PTPRC: variants seen among roughly 807,000 people sequenced by gnomAD.
PTPRC encodes the protein receptor-type tyrosine-protein phosphatase C.
In PTPRC, 44 loss-of-function variants were observed where a neutral mutation model predicts 155.9. The ratio of observed to expected loss-of-function variants is 0.28; its 90% CI spans 0.22 to 0.36. PTPRC has a LOEUF of 0.36. Among genes scored for constraint, PTPRC ranks in the 10% least tolerant of loss-of-function variants. PTPRC has a pLI of 1.00. For missense variants in PTPRC, 1,401 were observed against 1,564.6 expected (o/e 0.90, Z 1.76); for synonymous variants, 525 against 533.1 (o/e 0.98, Z 0.21).
intron 2 of PTPRC, among the ~76,000 whole-genome samples, chr1:198,668,677 G>A (rs1487456174): frequency 6.6e-6 from 1 of 152,186 alleles, no homozygotes; most frequent in Non-Finnish European, 1.5e-5. Flanking sequence ...AAAGATACAT[G>A]ACCAAGCTTG....
intron 2 of PTPRC, among the ~76,000 whole-genome samples, chr1:198,670,722 G>T (rs1403293707): frequency 6.6e-6 from 1 of 152,064 alleles, no homozygotes; most frequent in East Asian, 1.9e-4. Context: ...CTTCTTAAAA[G>T]ATTTTTTCAT....
At chr1:198,644,074 A>G (rs557649072) in intron 2 of PTPRC, among the ~76,000 whole-genome samples, 1 of 152,024 alleles carries the variant, frequency 6.6e-6, no homozygotes, top group African/African-American at 2.4e-5. Context: ...CCATGTGTGT[A>G]TATGTCACCT....
chr1:198,723,699 A>G (rs1653998859), intron 15 of PTPRC, among the ~76,000 whole-genome samples: 1 of 152,230 alleles, frequency 6.6e-6, no homozygotes, highest in Admixed American at 6.5e-5. Context: ...CTGGAAAGAC[A>G]CAGAACAAAA....
At chr1:198,690,563 A>AAT (rs1050630777) in intron 2 of PTPRC, among the ~76,000 whole-genome samples, 1 of 152,060 alleles carries the variant, frequency 6.6e-6, no homozygotes, top group Non-Finnish European at 1.5e-5. Flanking sequence ...ATGATATAAA[A>AAT]ATATATATAT....
rs964816952 is a variant in PTPRC at position 198,716,053 on chromosome 1, A to G, written c.1292-629A>G. ...GATCAGGTTTGTCACTAAACTCAAA[A>G]ACATTCCTTCTTCCGTTTGTAATAT... On this transcript the variant is annotated intron_variant, in intron 12 of 32. Transcript: ENST00000442510. Among the ~76,000 whole-genome samples the G allele has an allele frequency of 1.9e-4, 29 of 152,236 alleles. 1 individual carries two copies. The Middle Eastern group carries it at 0.02, about 107-fold the overall frequency.
chr1:198,738,733 C>CTTCT (rs1654764393), intron 23 of PTPRC, among the ~76,000 whole-genome samples: 1 of 151,530 alleles, frequency 6.6e-6, no homozygotes, highest in Non-Finnish European at 1.5e-5. Flanking sequence ...GGTACTAGTT[C>CTTCT]TTCTTTAAAT....
intron 2 of PTPRC, among the ~76,000 whole-genome samples, chr1:198,670,019 A>T (rs1344062211): frequency 6.6e-6 from 1 of 152,196 alleles, no homozygotes; most frequent in Non-Finnish European, 1.5e-5. Context: ...TGTAAGAATA[A>T]TTACTATTTT....
intron 2 of PTPRC, among the ~76,000 whole-genome samples, chr1:198,683,038 G>T (rs964497901): frequency 6.6e-6 from 1 of 152,226 alleles, no homozygotes; most frequent in Non-Finnish European, 1.5e-5. Flanking sequence ...AAGCATGGGG[G>T]TTTTTACAGT....
At chr1:198,710,707 T>C (rs1202199087) in intron 11 of PTPRC, among the ~76,000 whole-genome samples, 1 of 152,252 alleles carries the variant, frequency 6.6e-6, no homozygotes, top group Non-Finnish European at 1.5e-5. Flanking sequence ...TGTTGTTTTC[T>C]TAATCACATT....
chr1:198,693,126 CAACT>C (rs1666017735), intron 3 of PTPRC: 1 of 950,790 alleles, frequency 1.1e-6, no homozygotes, highest in Non-Finnish European at 1.3e-6. Flanking sequence ...TGCACAATTC[CAACT>C]AACGTACATT....
intron 2 of PTPRC, among the ~76,000 whole-genome samples, chr1:198,678,546 G>A (rs1665094127): frequency 6.6e-6 from 1 of 152,088 alleles, no homozygotes. Context: ...TCTCCCTAAT[G>A]CTTTTTCCAG....
intron 2 of PTPRC, among the ~76,000 whole-genome samples, chr1:198,652,867 G>C (rs960610803): frequency 6.6e-6 from 1 of 151,766 alleles, no homozygotes; most frequent in Admixed American, 6.6e-5. Context: ...TTATGTCAAG[G>C]GCGGCTCGAT....
chr1:198,665,332 A>G (rs1486751130), intron 2 of PTPRC, among the ~76,000 whole-genome samples: 1 of 151,572 alleles, frequency 6.6e-6, no homozygotes, highest in Admixed American at 6.6e-5. Flanking sequence ...GCAATTTAAT[A>G]CATGAGTTAA....
intron 2 of PTPRC, among the ~76,000 whole-genome samples, chr1:198,650,999 A>G (rs1413638778): frequency 6.6e-6 from 1 of 151,910 alleles, no homozygotes; most frequent in Non-Finnish European, 1.5e-5. Context: ...TATCTCTATT[A>G]ACTTTAATAT....
At position 198,752,668 on chromosome 1, in the gene PTPRC, G is replaced by A. The variant is rs757359448; in HGVS notation, c.3405G>A (p.Lys1135=). The change falls in exon 31 of 33, where the codon AAG becomes AAA. Residue 1135 remains lysine (K), a synonymous_variant. Transcript: ENST00000442510. ...WSVEQLPAEP[K]ELISMIQVVK... ...TGGAGCAGCTTCCTGCAGAACCCAA[G>A]GAATTAATCTCTATGATTCAGGTCG... The A allele has an allele frequency of 3.7e-6, 6 of 1,612,718 alleles. No homozygotes were observed. The South Asian group carries it at 6.6e-5, about 18-fold the overall frequency.
intron 2 of PTPRC, among the ~76,000 whole-genome samples, chr1:198,668,102 A>T (rs1159815011): frequency 6.6e-6 from 1 of 152,228 alleles, no homozygotes; most frequent in Non-Finnish European, 1.5e-5. Context: ...ATCTTATAGA[A>T]ATAAACATTG....
intron 23 of PTPRC, among the ~76,000 whole-genome samples, chr1:198,735,789 A>G (rs1654608754): frequency 6.6e-6 from 1 of 151,570 alleles, no homozygotes; most frequent in Admixed American, 6.6e-5. Flanking sequence ...TGAAAAATCC[A>G]CAATAGGCAA....
At chr1:198,679,863 C>T in intron 2 of PTPRC, 1 of 608,888 alleles carries the variant, frequency 1.6e-6, no homozygotes, top group East Asian at 2.9e-5. Context: ...TGTAGAGTTT[C>T]CTTGACTCAA....
rs1320437025 is a variant in PTPRC, at chr1:198,756,382, TA to T, written c.*205del. 5 of 683,684 alleles carry T rather than the reference TA, an allele frequency of 7.3e-6. No homozygotes were observed. The highest frequency in any genetic ancestry group is 1.2e-5 in the Non-Finnish European group (5 of 420,422). 42.4% of individuals were successfully genotyped at this position (683,684 alleles called of 1,614,324 possible). ...AGTTTGTACAGACGTATGCTTATTT[TA>T]AAATTTTATCTCTTATTCAGTAAAA... On this transcript the variant is annotated 3_prime_UTR_variant, in exon 33 of 33. Coordinates refer to ENST00000442510, the MANE Select transcript of PTPRC (RefSeq NM_002838.5).
Sources: allele counts gnomAD v4.1 joint callset (sites outside exome capture counted in the v4.1 genomes callset), GRCh38; gene constraint gnomAD v4.1.1; transcripts MANE v1.5; gene names NCBI Gene and HGNC (gene_info 2026-07-23, HGNC 2026-07-21).